Variants in SHB observed in about 807,000 individuals in gnomAD.
The protein encoded by SHB is SH2 domain-containing adapter protein B.
In SHB, 20 loss-of-function variants were observed where a neutral mutation model predicts 52.3. That is an observed-to-expected ratio of 0.38 (90% CI 0.27 to 0.56). The LOEUF is 0.56. Among genes scored for constraint, SHB ranks in the 20% least tolerant of loss-of-function variants. The probability of loss-of-function intolerance (pLI) is 0.71; values close to 1 mark genes in which losing one functional copy is unlikely to be tolerated. For synonymous variants in SHB, 397 were observed against 316.5 expected, an observed-to-expected ratio of 1.25 and a Z score of -2.70; for missense variants, 825 against 723.3, an observed-to-expected ratio of 1.14 and a Z score of -1.61.
At position 38,068,390 on chromosome 9, in the gene SHB, C is replaced by T. The variant is rs368230197; in HGVS notation, c.256G>A (p.Ala86Thr). The T allele has an allele frequency of 9.5e-6, 15 of 1,574,358 alleles. No homozygotes were observed. Among genetic ancestry groups the T allele is most frequent in the Middle Eastern group, 2.2e-4 (1 of 4,558 alleles). The change falls in exon 1 of 6, where the codon GCG becomes ACG. Residue 86 changes from alanine (A) to threonine (T), a missense_variant. Transcript: ENST00000377707. ...STSDLIRAYR[A>T]QKERDFEDPY... is the part of the protein sequence containing the mutation. ...TCCTCGAAGTCTCGCTCCTTCTGCG[C>T]GCGGTAGGCGCGGATGAGGTCGCTG...
intron 2 of SHB, among the ~76,000 whole-genome samples, chr9:37,994,966 C>T (rs1820929975): frequency 1.3e-5 from 2 of 152,298 alleles, no homozygotes; most frequent in African/African-American, 4.8e-5. Flanking sequence ...CAACATGACA[C>T]ACAAACCCTT....
intron 1 of SHB, among the ~76,000 whole-genome samples, chr9:38,054,442 T>C (rs1587266363): frequency 6.6e-6 from 1 of 152,252 alleles, no homozygotes; most frequent in Non-Finnish European, 1.5e-5. Context: ...TCCAGTCACA[T>C]GCCTGCACAG....
chr9:37,940,067 G>A (rs527898742), intron 5 of SHB, among the ~76,000 whole-genome samples: 3 of 152,280 alleles, frequency 2.0e-5, no homozygotes, highest in East Asian at 3.9e-4. Context: ...GCAAATCATG[G>A]TGACTAGTTT....
chr9:37,947,551 A>T (rs1159144213), intron 5 of SHB, among the ~76,000 whole-genome samples: 1 of 151,874 alleles, frequency 6.6e-6, no homozygotes, highest in Non-Finnish European at 1.5e-5. Flanking sequence ...GCCTTGCCCT[A>T]CCTGCCTCTG....
At chr9:37,942,701 G>C (rs1832448209) in intron 5 of SHB, among the ~76,000 whole-genome samples, 1 of 152,254 alleles carries the variant, frequency 6.6e-6, no homozygotes, top group African/African-American at 2.4e-5. Flanking sequence ...TCAGGTGCGG[G>C]GAAAGAGATG....
chr9:37,974,389 G>A (rs532258890), intron 3 of SHB, among the ~76,000 whole-genome samples: 36 of 152,314 alleles, frequency 2.4e-4, no homozygotes, highest in African/African-American at 8.4e-4. Context: ...AAGTGTGGAG[G>A]CTGGAACACT....
intron 2 of SHB, among the ~76,000 whole-genome samples, chr9:37,998,723 G>A (rs1476154429): frequency 6.6e-6 from 1 of 152,252 alleles, no homozygotes; most frequent in East Asian, 1.9e-4. Context: ...AAAGTGCTAG[G>A]ATTACAGGTG....
At chr9:37,960,166 A>C (rs947293579) in intron 3 of SHB, among the ~76,000 whole-genome samples, 4 of 152,242 alleles carry the variant, frequency 2.6e-5, no homozygotes, top group African/African-American at 9.6e-5. Flanking sequence ...AAATCATTTC[A>C]CCTAAAATAC....
chr9:38,002,723 G>C (rs1821032405), intron 2 of SHB, among the ~76,000 whole-genome samples: 1 of 152,178 alleles, frequency 6.6e-6, no homozygotes, highest in Admixed American at 6.5e-5. Flanking sequence ...CCAAGTTCAA[G>C]CTTTTCCAAC....
chr9:38,055,670 C>T (rs960113585), intron 1 of SHB, among the ~76,000 whole-genome samples: 2 of 152,168 alleles, frequency 1.3e-5, no homozygotes, highest in African/African-American at 4.8e-5. Flanking sequence ...ATACCCACTC[C>T]TGGGCTCTCA....
chr9:37,985,580 A>AG (rs1053868302), intron 2 of SHB, among the ~76,000 whole-genome samples: 2 of 152,244 alleles, frequency 1.3e-5, no homozygotes, highest in African/African-American at 4.8e-5. Context: ...GGCCAAAAGC[A>AG]GGGGGCGAGT....
At chr9:37,929,474 G>A (rs1832288913) in intron 5 of SHB, among the ~76,000 whole-genome samples, 1 of 152,250 alleles carries the variant, frequency 6.6e-6, no homozygotes, top group African/African-American at 2.4e-5. Flanking sequence ...CTGCTGGGCA[G>A]GAGCCACTGC....
chr9:37,922,919 C>T (rs1291676286), intron 5 of SHB, among the ~76,000 whole-genome samples: 4 of 152,168 alleles, frequency 2.6e-5, no homozygotes, highest in South Asian at 4.1e-4. Flanking sequence ...GCTGCCTACC[C>T]GCTGAGGGCT....
chr9:37,988,737 T>C (rs1324049974), intron 2 of SHB, among the ~76,000 whole-genome samples: 1 of 152,200 alleles, frequency 6.6e-6, no homozygotes, highest in African/African-American at 2.4e-5. Flanking sequence ...TTTAAATTAG[T>C]ACACTGAATA....
chr9:37,923,990 T>C (rs971686826), intron 5 of SHB, among the ~76,000 whole-genome samples: 1 of 152,222 alleles, frequency 6.6e-6, no homozygotes, highest in Admixed American at 6.5e-5. Flanking sequence ...ATCAGCACCA[T>C]CGTCGTTCAG....
intron 2 of SHB, among the ~76,000 whole-genome samples, chr9:38,008,133 G>T (rs1469497579): frequency 6.6e-6 from 1 of 152,204 alleles, no homozygotes; most frequent in Non-Finnish European, 1.5e-5. Context: ...CCCACAGCGG[G>T]GGTGCTATCA....
intron 5 of SHB, among the ~76,000 whole-genome samples, chr9:37,941,139 C>G (rs1304764824): frequency 6.6e-6 from 1 of 152,136 alleles, no homozygotes; most frequent in East Asian, 1.9e-4. Flanking sequence ...AACCCATCAT[C>G]GTAAAGGACA....
chr9:37,967,429 C>A (rs1361284302), intron 3 of SHB, among the ~76,000 whole-genome samples: 1 of 152,156 alleles, frequency 6.6e-6, no homozygotes, highest in East Asian at 1.9e-4. Flanking sequence ...AGCATAAGCA[C>A]CCCACACGCT....
chr9:37,917,820 G>A lies in SHB; in HGVS notation c.*2001C>T, dbSNP rs770468066. Among the ~76,000 whole-genome samples, 1 of 152,264 alleles carries A rather than the reference G, an allele frequency of 6.6e-6. No homozygotes were observed. The highest frequency in any genetic ancestry group is 2.1e-4 in the South Asian group (1 of 4,830). On this transcript the variant is annotated 3_prime_UTR_variant, in exon 6 of 6. Coordinates refer to ENST00000377707, the MANE Select transcript of SHB (RefSeq NM_003028.3). ...AGAGATTAAACCCAGGCCACAGCCAGCGTGGTCTCTATGAGGGCTGGGCCA... is the reference window on the plus strand; with the variant it reads ...AGAGATTAAACCCAGGCCACAGCCAACGTGGTCTCTATGAGGGCTGGGCCA...
Sources: allele counts gnomAD v4.1 joint callset (sites outside exome capture counted in the v4.1 genomes callset), GRCh38; gene constraint gnomAD v4.1.1; transcripts MANE v1.5; gene names NCBI Gene and HGNC (gene_info 2026-07-23, HGNC 2026-07-21).